Variants in NRG3 observed in about 807,000 individuals in gnomAD.
The protein encoded by NRG3 is neuregulin 3, also known as pro-neuregulin-3, membrane-bound isoform.
NRG3 carries 31 observed loss-of-function variants against 66.9 expected under a neutral mutation model. That is an observed-to-expected ratio of 0.46 (90% CI 0.35 to 0.63). The LOEUF is 0.63. Among genes scored for constraint, NRG3 ranks in the 20% least tolerant of loss-of-function variants. NRG3 has a pLI of 0.00. For missense variants in NRG3, 910 were observed against 878.9 expected, an observed-to-expected ratio of 1.04 and a Z score of -0.45; for synonymous variants, 393 against 359.4, an observed-to-expected ratio of 1.09 and a Z score of -1.06.
At chr10:82,262,820 C>T (rs1344677314) in intron 1 of NRG3, among the ~76,000 whole-genome samples, 3 of 152,108 alleles carry the variant, frequency 2.0e-5, no homozygotes, top group African/African-American at 4.8e-5. Context: ...GTTTGAATTG[C>T]CATTTTTGTA....
intron 2 of NRG3, among the ~76,000 whole-genome samples, chr10:82,370,256 C>T (rs1250227625): frequency 1.5e-5 from 2 of 137,890 alleles, no homozygotes; most frequent in Non-Finnish European, 1.5e-5. Flanking sequence ...GGAGGTGGCT[C>T]TCAGCGAGAT....
At chr10:82,176,894 C>CACACAA (rs1180237047) in intron 1 of NRG3, among the ~76,000 whole-genome samples, 7 of 151,138 alleles carry the variant, frequency 4.6e-5, no homozygotes, top group Non-Finnish European at 1.0e-4. Flanking sequence ...CACACACACA[C>CACACAA]ACACACACAC....
At chr10:82,813,777 T>C (rs1354190138) in intron 3 of NRG3, among the ~76,000 whole-genome samples, 1 of 152,218 alleles carries the variant, frequency 6.6e-6, no homozygotes, top group East Asian at 1.9e-4. Context: ...ACCATAAAAA[T>C]CATTGACAAA....
intron 1 of NRG3, among the ~76,000 whole-genome samples, chr10:82,047,572 G>A (rs2063363078): frequency 6.6e-6 from 1 of 151,458 alleles, no homozygotes; most frequent in African/African-American, 2.4e-5. Flanking sequence ...TCACCACCAG[G>A]CCTGCCCTAA....
chr10:81,975,240 C>T (rs1436813211), intron 1 of NRG3, among the ~76,000 whole-genome samples: 2 of 152,088 alleles, frequency 1.3e-5, no homozygotes, highest in Non-Finnish European at 2.9e-5. Context: ...AAACAATCCC[C>T]TATATCAGTA....
chr10:82,434,432 C>T (rs1392589840), intron 2 of NRG3, among the ~76,000 whole-genome samples: 1 of 152,076 alleles, frequency 6.6e-6, no homozygotes, highest in Non-Finnish European at 1.5e-5. Context: ...TATTCGAATA[C>T]TCTTTATTTC....
At chr10:82,060,107 A>G (rs1482035672) in intron 1 of NRG3, among the ~76,000 whole-genome samples, 1 of 152,196 alleles carries the variant, frequency 6.6e-6, no homozygotes, top group Non-Finnish European at 1.5e-5. Context: ...CCCACACAGG[A>G]ATTTCATTTC....
At position 82,516,326 on chromosome 10, in the gene NRG3, C is replaced by G. The variant is rs189143327; in HGVS notation, c.953+157458C>G. Among the ~76,000 whole-genome samples the G allele has an allele frequency of 5.3e-5, 8 of 152,238 alleles. No homozygotes were observed. The East Asian group carries it at 1.5e-3, about 29-fold the overall frequency. On this transcript the variant is annotated intron_variant, in intron 2 of 8. Coordinates refer to ENST00000372141, the MANE Select transcript of NRG3 (RefSeq NM_001010848.4). ...TTGCTTTACTTCCCTTTCCATCTATCTAGGACTTACTGCAGCAGACCTCCA... is the reference window on the plus strand; with the variant it reads ...TTGCTTTACTTCCCTTTCCATCTATGTAGGACTTACTGCAGCAGACCTCCA...
rs181316147 is a variant in NRG3, at chr10:81,952,359, T to C, written c.823+76196T>C. ...ACCAAATTTGTGGTGATTTCACTTA[T>C]ACTATTGAAGTGTGCTTGTGTGTGT... is the stretch of plus-strand genomic sequence containing the variant. On this transcript the variant is annotated intron_variant, in intron 1 of 8. Transcript: ENST00000372141. Among the ~76,000 whole-genome samples, 5 of 152,102 alleles carry C rather than the reference T, an allele frequency of 3.3e-5. No individual in the cohort carries two copies. In the East Asian group the frequency reaches 7.7e-4, roughly 24 times the overall value.
chr10:81,899,874 C>A (rs932180973), intron 1 of NRG3, among the ~76,000 whole-genome samples: 1 of 152,096 alleles, frequency 6.6e-6, no homozygotes, highest in Non-Finnish European at 1.5e-5. Flanking sequence ...TGGAAGTTGA[C>A]ATCTGGTTCC....
chr10:82,290,712 G>A (rs2079680385), intron 1 of NRG3, among the ~76,000 whole-genome samples: 1 of 151,142 alleles, frequency 6.6e-6, no homozygotes, highest in Admixed American at 6.6e-5. Flanking sequence ...TCGGCTCACT[G>A]CAACCTCCGC....
chr10:81,901,790 A>C (rs1844100636), intron 1 of NRG3, among the ~76,000 whole-genome samples: 2 of 152,246 alleles, frequency 1.3e-5, no homozygotes, highest in Non-Finnish European at 2.9e-5. Context: ...AAATATAGTT[A>C]ACTCTAAGGT....
intron 2 of NRG3, among the ~76,000 whole-genome samples, chr10:82,708,476 C>T (rs2056457643): frequency 6.6e-6 from 1 of 152,176 alleles, no homozygotes; most frequent in Non-Finnish European, 1.5e-5. Flanking sequence ...TTGCCATCCT[C>T]AAGTAGGCCC....
At chr10:82,058,656 C>T (rs1042330358) in intron 1 of NRG3, among the ~76,000 whole-genome samples, 9 of 151,558 alleles carry the variant, frequency 5.9e-5, no homozygotes, top group Non-Finnish European at 1.0e-4. Context: ...TGATTTTTTT[C>T]CCTTCTCCTT....
At chr10:82,258,150 G>A (rs1020984861) in intron 1 of NRG3, among the ~76,000 whole-genome samples, 8 of 152,154 alleles carry the variant, frequency 5.3e-5, no homozygotes, top group African/African-American at 1.7e-4. Context: ...GGTGCTGTAC[G>A]AGAATAAAAT....
At chr10:82,194,054 C>CA (rs2074316419) in intron 1 of NRG3, among the ~76,000 whole-genome samples, 1 of 152,032 alleles carries the variant, frequency 6.6e-6, no homozygotes, top group Non-Finnish European at 1.5e-5. Context: ...CCACTCCAGC[C>CA]AAGAGAACCT....
intron 2 of NRG3, among the ~76,000 whole-genome samples, chr10:82,654,153 G>A (rs1382637827): frequency 1.3e-5 from 2 of 152,140 alleles, no homozygotes; most frequent in African/African-American, 4.8e-5. Context: ...CATGGTGATA[G>A]GCTGGACATG....
chr10:82,118,426 C>T (rs1035218417), intron 1 of NRG3, among the ~76,000 whole-genome samples: 4 of 151,810 alleles, frequency 2.6e-5, no homozygotes, highest in Non-Finnish European at 5.9e-5. Flanking sequence ...AGATGAGAAG[C>T]TTTATTTAGA....
At chr10:82,898,149 C>T (rs1346066920) in intron 4 of NRG3, among the ~76,000 whole-genome samples, 1 of 152,176 alleles carries the variant, frequency 6.6e-6, no homozygotes. Context: ...GTAAGTTCCA[C>T]AGCCTCTTGC....
Sources: gnomAD v4.1 joint callset for allele counts (sites outside exome capture counted in the v4.1 genomes callset) on GRCh38, gnomAD v4.1.1 for gene constraint, MANE v1.5 for transcripts, NCBI Gene and HGNC (gene_info 2026-07-23, HGNC 2026-07-21) for gene names.